The following KLRG2 variants were observed in gnomAD, a reference collection of about 807,000 sequenced individuals.
KLRG2 encodes killer cell lectin like receptor G2.
A neutral mutation model predicts 35.4 loss-of-function variants in KLRG2; 39 were observed. The observed-to-expected ratio is 1.10, with a 90% CI of 0.85 to 1.44. The LOEUF (loss-of-function observed/expected upper bound fraction) is 1.44. KLRG2 is among the 40% of genes most tolerant of loss of function. The pLI, the probability that KLRG2 is intolerant of heterozygous loss-of-function variation, is 0.00. For missense variants in KLRG2, 632 were observed against 570.9 expected (o/e 1.11, Z -1.09); for synonymous variants, 283 against 265.8 (o/e 1.06, Z -0.63).
chr7:139,431,013 G>GAAAA, the KLRG2 span, among the ~76,000 whole-genome samples: 2 of 92,592 alleles, frequency 2.2e-5, no homozygotes, highest in African/African-American at 6.8e-5. Flanking sequence ...CCCTGTCTCA[G>GAAAA]AAAAAAAAAA....
At chr7:139,472,356 T>C (rs1446235301) in intron 3 of KLRG2, among the ~76,000 whole-genome samples, 1 of 152,036 alleles carries the variant, frequency 6.6e-6, no homozygotes, top group African/African-American at 2.4e-5. Context: ...ACTGGATGCA[T>C]AGAAAGCCTT....
chr7:139,467,646 T>C (rs889570271), intron 3 of KLRG2, among the ~76,000 whole-genome samples: 4 of 135,022 alleles, frequency 3.0e-5, no homozygotes, highest in African/African-American at 1.2e-4. Context: ...AGCATGCTCG[T>C]TAAGAGTCAT....
chr7:139,459,149 G>A (rs1464485364), intron 3 of KLRG2, among the ~76,000 whole-genome samples: 2 of 152,146 alleles, frequency 1.3e-5, no homozygotes, highest in East Asian at 3.9e-4. Context: ...GCATTTTTTT[G>A]TTAAATTCTT....
At chr7:139,474,920 C>T (rs1488880836) in intron 3 of KLRG2, among the ~76,000 whole-genome samples, 1 of 152,192 alleles carries the variant, frequency 6.6e-6, no homozygotes, top group African/African-American at 2.4e-5. Flanking sequence ...ATCTCTCTCT[C>T]TGACCTTCTG....
chr7:139,446,382 C>T, the KLRG2 span, among the ~76,000 whole-genome samples: 11 of 135,380 alleles, frequency 8.1e-5, no homozygotes, highest in South Asian at 2.3e-3. Flanking sequence ...CTCCCTCTGT[C>T]GCCCAGGCTG....
chr7:139,458,703 G>A (rs1439634218), intron 3 of KLRG2, among the ~76,000 whole-genome samples: 3 of 152,104 alleles, frequency 2.0e-5, no homozygotes, highest in Non-Finnish European at 2.9e-5. Context: ...AATTAGCATC[G>A]GGCTCGAGTT....
At chr7:139,444,627 G>A in the KLRG2 span, among the ~76,000 whole-genome samples, 9 of 152,308 alleles carry the variant, frequency 5.9e-5, no homozygotes, top group Admixed American at 2.0e-4. Flanking sequence ...ACCAGGAATG[G>A]ACCATGTGGA....
chr7:139,454,969 T>C (rs1361489628), intron 3 of KLRG2, among the ~76,000 whole-genome samples: 1 of 151,916 alleles, frequency 6.6e-6, no homozygotes, highest in African/African-American at 2.4e-5. Flanking sequence ...TGTCACACTA[T>C]TTTTAACAAT....
chr7:139,480,317 G>T, intron 1 of KLRG2, 70 bp from the exon 2 acceptor site: 1 of 824,884 alleles, frequency 1.2e-6, no homozygotes, highest in East Asian at 2.5e-5. Flanking sequence ...CAGAACCACA[G>T]ACACAGCACA....
the KLRG2 span, among the ~76,000 whole-genome samples, chr7:139,443,589 T>G: frequency 0.39 from 59,402 of 151,690 alleles, 16,450 homozygotes; most frequent in African/African-American, 0.79. Flanking sequence ...TGAGATGGAG[T>G]CTTGCCCTGC....
At position 139,454,122 on chromosome 7, in the gene KLRG2, G is replaced by A. The variant is rs1230633011; in HGVS notation, c.1098C>T (p.Leu366=). ...QGWHWIDEAP[L]PPQLLPEDGE... ...CCGTGGTCACTCACAGCTGGGGCGG[G>A]AGTGGGGCCTCGTCGATCCAGTGCC... The change falls in exon 4 of 5, where the codon CTC becomes CTT. Residue 366 remains leucine (L), a synonymous_variant. Coordinates refer to ENST00000340940, the MANE Select transcript of KLRG2 (RefSeq NM_198508.4). 1.3e-6 allele frequency: 2 copies of A among 1,537,366 alleles called. No homozygotes were observed. The highest frequency in any genetic ancestry group is 1.2e-5 in the South Asian group (1 of 83,702).
In KLRG2 at chr7:139,479,552, A is replaced by G. The variant is rs964841499; in HGVS notation, c.1005+75T>C. 2.9e-5 allele frequency: 42 copies of G among 1,433,084 alleles called. No homozygotes were observed. The African/African-American group carries it at 4.5e-4, about 15-fold the overall frequency. 88.8% of individuals were successfully genotyped at this position (1,433,084 alleles called of 1,614,324 possible). A position where few individuals can be genotyped will look rare whatever the true frequency, so the allele number is the denominator to read the frequency against. On this transcript the variant is annotated intron_variant, in intron 3 of 4. Coordinates refer to ENST00000340940, the MANE Select transcript of KLRG2 (RefSeq NM_198508.4). The stretch of plus-strand genomic sequence containing the variant: ...TAATGAAGAGCTGGACTCAATCATT[A>G]AGCTTCTTTCCAGTGCTAGGATTCT...
intron 3 of KLRG2, among the ~76,000 whole-genome samples, chr7:139,468,659 A>T (rs750402889): frequency 1.3e-5 from 2 of 152,206 alleles, no homozygotes; most frequent in East Asian, 1.9e-4. Context: ...AGTGAAAAGG[A>T]TAGTGTTCTC....
chr7:139,475,256 G>T (rs968442078), intron 3 of KLRG2, among the ~76,000 whole-genome samples: 1 of 152,214 alleles, frequency 6.6e-6, no homozygotes, highest in Admixed American at 6.5e-5. Flanking sequence ...CCCAGGCTGG[G>T]CGCGGTGGCT....
chr7:139,464,678 C>T (rs1176608667), intron 3 of KLRG2, among the ~76,000 whole-genome samples: 2 of 152,204 alleles, frequency 1.3e-5, no homozygotes, highest in Non-Finnish European at 2.9e-5. Context: ...ACTCTGTGGT[C>T]GGAATTCTTA....
At chr7:139,482,842 A>G in intron 1 of KLRG2, 44 bp downstream of exon 1, 1 of 1,361,212 alleles carries the variant, frequency 7.3e-7, no homozygotes, top group Non-Finnish European at 9.4e-7. Flanking sequence ...GGCTACGTCC[A>G]CCCGACCTGG....
At chr7:139,437,863 G>A in the KLRG2 span, among the ~76,000 whole-genome samples, 1 of 152,190 alleles carries the variant, frequency 6.6e-6, no homozygotes, top group Non-Finnish European at 1.5e-5. Flanking sequence ...GCCTCTCCCT[G>A]CATCCATGCC....
At chr7:139,455,162 G>A (rs1327130224) in intron 3 of KLRG2, among the ~76,000 whole-genome samples, 1 of 151,574 alleles carries the variant, frequency 6.6e-6, no homozygotes, top group African/African-American at 2.4e-5. Flanking sequence ...GGAACTACAG[G>A]CATGCACCAC....
chr7:139,465,770 C>T (rs1233093270), intron 3 of KLRG2, among the ~76,000 whole-genome samples: 1 of 152,002 alleles, frequency 6.6e-6, no homozygotes, highest in Non-Finnish European at 1.5e-5. Context: ...GGCATCAGAC[C>T]TCTCATTGCT....
Sources: gnomAD v4.1 joint callset for allele counts (sites outside exome capture counted in the v4.1 genomes callset) on GRCh38, gnomAD v4.1.1 for gene constraint, MANE v1.5 for transcripts, NCBI Gene and HGNC (gene_info 2026-07-23, HGNC 2026-07-21) for gene names.